The following SF1 variants were observed in gnomAD, a reference collection of about 807,000 sequenced individuals.
The protein encoded by SF1 is branch point-binding protein.
In SF1, 7 loss-of-function variants were observed where a neutral mutation model predicts 62.5. That is an observed-to-expected ratio of 0.11 (90% CI 0.06 to 0.21). The LOEUF is 0.21. SF1 is among the 10% of genes least tolerant of loss of function. The probability of loss-of-function intolerance (pLI) is 1.00; values close to 1 mark genes in which losing one functional copy is unlikely to be tolerated. For missense variants in SF1, 578 were observed against 884.0 expected (o/e 0.65, Z 4.39); for synonymous variants, 394 against 323.6 (o/e 1.22, Z -2.33).
At chr11:64,776,917 G>C (rs1939359309) in intron 1 of SF1, among the ~76,000 whole-genome samples, 1 of 152,192 alleles carries the variant, frequency 6.6e-6, no homozygotes, top group South Asian at 2.1e-4. Context: ...TATGGCTGCA[G>C]AGAGTGTTAG....
chr11:64,771,723 A>G, intron 3 of SF1: 1 of 985,460 alleles, frequency 1.0e-6, no homozygotes, highest in Non-Finnish European at 1.2e-6. Flanking sequence ...TATACATTTA[A>G]GTCTACAAGA....
intron 2 of SF1, among the ~76,000 whole-genome samples, chr11:64,775,065 C>A (rs1555147156): frequency 6.6e-6 from 1 of 152,006 alleles, no homozygotes; most frequent in Non-Finnish European, 1.5e-5. Flanking sequence ...CTCCTTTATG[C>A]CTAAAAAGTT....
At chr11:64,778,049 T>C (rs1291716169) in intron 1 of SF1, 1 of 1,005,082 alleles carries the variant, frequency 9.9e-7, no homozygotes. Context: ...TGGCGGCGGC[T>C]GCGGCGGCGA....
chr11:64,772,120 G>A (rs1399994814), intron 3 of SF1: 3 of 985,252 alleles, frequency 3.0e-6, no homozygotes, highest in Non-Finnish European at 3.6e-6. Flanking sequence ...TATTCTAGAG[G>A]TTAGACTGGC....
At chr11:64,777,697 G>A (rs1247150985) in intron 1 of SF1, 19 of 985,488 alleles carry the variant, frequency 1.9e-5, no homozygotes, top group African/African-American at 5.2e-5. Context: ...CAGCGGACTG[G>A]ACAGCAATAG....
chr11:64,777,938 G>A, intron 1 of SF1: 1 of 981,256 alleles, frequency 1.0e-6, no homozygotes, highest in Non-Finnish European at 1.2e-6. Context: ...CCCTCAGGCG[G>A]CCGGGCCCGT....
Position 64,764,840 on chromosome 11 carries a change from G to A in SF1, c.*978C>T, listed in dbSNP as rs975517046. On this transcript the variant is annotated 3_prime_UTR_variant, in exon 13 of 13. Coordinates refer to ENST00000377390, the MANE Select transcript of SF1 (RefSeq NM_004630.4). ...ACACTGCAAAACATTCAGACATTTGGGATTAAAACAAAACATAAAAGGAAG... is the reference window on the plus strand; with the variant it reads ...ACACTGCAAAACATTCAGACATTTGAGATTAAAACAAAACATAAAAGGAAG... The A allele has an allele frequency of 1.3e-5, 2 of 152,392 alleles. No individual in the cohort carries two copies. The highest frequency in any genetic ancestry group is 4.8e-5 in the African/African-American group (2 of 41,434). 9.4% of individuals were successfully genotyped at this position (152,392 alleles called of 1,614,324 possible).
Position 64,776,511 on chromosome 11 carries a change from T to C in SF1, c.147A>G (p.Glu49=), listed in dbSNP as rs772847329. The change falls in exon 2 of 13, where the codon GAA becomes GAG. Residue 49 remains glutamate (E), a synonymous_variant. Coordinates refer to ENST00000377390, the MANE Select transcript of SF1 (RefSeq NM_004630.4). ...VIPPGLTREQ[E]RAYIVQLQIE... is the part of the protein sequence containing the mutation. Reference sequence around the variant, plus strand: ...ACGTATATTTACCTATATAAGCTCTTTCTTGTTCTCGAGTAAGTCCAGGGG... The same window carrying C: ...ACGTATATTTACCTATATAAGCTCTCTCTTGTTCTCGAGTAAGTCCAGGGG... 8.3e-6 allele frequency: 13 copies of C among 1,561,524 alleles called. No individual in the cohort carries two copies. The highest frequency in any genetic ancestry group is 1.0e-5 in the Non-Finnish European group (12 of 1,159,540).
intron 3 of SF1, chr11:64,773,103 C>G: frequency 8.6e-7 from 1 of 1,164,270 alleles, no homozygotes; most frequent in Non-Finnish European, 1.1e-6. Context: ...TTGGCCAAAG[C>G]AGGTACTGAA....
At chr11:64,774,110 G>C (rs745644003) in intron 2 of SF1, among the ~76,000 whole-genome samples, 56 of 152,200 alleles carry the variant, frequency 3.7e-4, no homozygotes, top group Admixed American at 6.5e-5. Flanking sequence ...ACCTGTACTA[G>C]TAAGGGTCTC....
intron 1 of SF1, chr11:64,777,510 G>GA (rs1225164878): frequency 6.5e-5 from 64 of 985,340 alleles, no homozygotes; most frequent in Admixed American, 1.8e-4. Context: ...TCTCCCGGAT[G>GA]AAAACCCTGC....
chr11:64,772,352 C>T (rs1938457291), intron 3 of SF1: 71 of 982,590 alleles, frequency 7.2e-5, no homozygotes, highest in Admixed American at 2.5e-4. Context: ...CAAAAAGAAA[C>T]GAAACACAAC....
intron 1 of SF1, 85 bp downstream of exon 1, chr11:64,778,266 GCAGCCCCGCCC>G (rs1741217051): frequency 8.3e-7 from 1 of 1,206,920 alleles, no homozygotes; most frequent in South Asian, 4.2e-5. Context: ...CCGGGAGCCA[GCAGCCCCGCCC>G]CAGGCCCGGG....
intron 3 of SF1, chr11:64,772,256 T>C: frequency 2.0e-6 from 2 of 984,626 alleles, no homozygotes; most frequent in Non-Finnish European, 1.2e-6. Flanking sequence ...CCTGTAGACA[T>C]ATTATTAAAG....
At chr11:64,778,261 AGCCAGCAGCCCCGCCCCAGGCCCGGGT>A (rs1463337937) in intron 1 of SF1, 74 bp downstream of exon 1, 5 of 1,192,712 alleles carry the variant, frequency 4.2e-6, no homozygotes, top group South Asian at 4.2e-5. Flanking sequence ...GCGGCCCGGG[AGCCAGCAGCCCCGCCCCAGGCCCGGGT>A]GCAGGCGGAG....
intron 3 of SF1, chr11:64,772,688 A>T (rs1565574707): frequency 2.0e-6 from 2 of 985,330 alleles, no homozygotes; most frequent in Non-Finnish European, 2.4e-6. Context: ...TCAGCTAATA[A>T]AATTCCAGTT....
Position 64,775,420 on chromosome 11 carries a change from G to A in SF1, c.160+1078C>T, listed in dbSNP as rs545509882. Reference sequence around the variant, plus strand: ...GTAAAGACCCAGACTAGTCTAATATGAGACACAATGGAATGGGTGGGAGTA... The same window carrying A: ...GTAAAGACCCAGACTAGTCTAATATAAGACACAATGGAATGGGTGGGAGTA... On this transcript the variant is annotated intron_variant, in intron 2 of 12. Coordinates refer to ENST00000377390, the MANE Select transcript of SF1 (RefSeq NM_004630.4). Among the ~76,000 whole-genome samples, 5 of 152,316 alleles carry A rather than the reference G, an allele frequency of 3.3e-5. No homozygotes were observed. The South Asian group carries it at 1.0e-3, about 32-fold the overall frequency.
intron 10 of SF1, 126 bp from the exon 11 acceptor site, chr11:64,767,377 T>G: frequency 9.1e-7 from 1 of 1,101,546 alleles, no homozygotes. Flanking sequence ...AAGGCAGGTC[T>G]GTGCTTACCC....
Position 64,778,334 on chromosome 11 carries a change from GGGGGCAGCCC to G in SF1, c.31+18_31+27del. 1 of 1,225,010 alleles carries G rather than the reference GGGGGCAGCCC, an allele frequency of 8.2e-7. No individual in the cohort carries two copies. The highest frequency in any genetic ancestry group is 1.0e-6 in the Non-Finnish European group (1 of 982,972). The allele number at this position is 1,225,010 out of a possible 1,614,324, so 75.9% of individuals were successfully genotyped here. A position where few individuals can be genotyped will look rare whatever the true frequency, so the allele number is the denominator to read the frequency against. On this transcript the variant is annotated intron_variant, in intron 1 of 12. Coordinates refer to ENST00000377390, the MANE Select transcript of SF1 (RefSeq NM_004630.4). ...GAAGCCTCCTTTGGGCCCGGGGAGC[GGGGGCAGCCC>G]GGGGGGGCCCAGCTTACCCAACGGC...
Sources: allele counts gnomAD v4.1 joint callset (sites outside exome capture counted in the v4.1 genomes callset), GRCh38; gene constraint gnomAD v4.1.1; transcripts MANE v1.5; gene names NCBI Gene and HGNC (gene_info 2026-07-23, HGNC 2026-07-21).